The following PADI6 variants were observed in gnomAD, a reference collection of about 807,000 sequenced individuals.
PADI6 encodes peptidyl arginine deiminase 6.
A neutral mutation model predicts 78.2 loss-of-function variants in PADI6; 66 were observed. The observed-to-expected ratio is 0.84, with a 90% CI of 0.69 to 1.04. The LOEUF is 1.04. PADI6 is among the 50% of genes least tolerant of loss of function. The pLI is 0.00. For missense variants in PADI6, 854 were observed against 866.1 expected, an observed-to-expected ratio of 0.99 and a Z score of 0.18; for synonymous variants, 397 against 346.9, an observed-to-expected ratio of 1.14 and a Z score of -1.60.
chr1:17,376,687 T>G (rs529052816), intron 3 of PADI6, among the ~76,000 whole-genome samples: 3 of 151,814 alleles, frequency 2.0e-5, no homozygotes, highest in African/African-American at 7.3e-5. Flanking sequence ...CGTGAGCCAC[T>G]GTGCTGGGCC....
At chr1:17,396,783 C>T (rs185191867) in intron 13 of PADI6, among the ~76,000 whole-genome samples, 11 of 152,362 alleles carry the variant, frequency 7.2e-5, no homozygotes, top group African/African-American at 2.4e-4. Flanking sequence ...TCCTAACAAG[C>T]TCTAGGCTGT....
chr1:17,391,251 G>A (rs190863078), intron 8 of PADI6, among the ~76,000 whole-genome samples: 34 of 152,128 alleles, frequency 2.2e-4, no homozygotes, highest in South Asian at 1.0e-3. Flanking sequence ...ATGGAGTCTC[G>A]CTCCGTTGCC....
At position 17,392,078 on chromosome 1, in the gene PADI6, A is replaced by G. The variant is rs761679941; in HGVS notation, c.963-36A>G. The stretch of plus-strand genomic sequence containing the variant: ...GGTCATAACCAGTAAGGGACCTTCG[A>G]AAGCCTTCCCAGAACTGGCTTCTCT... On this transcript the variant is annotated intron_variant, in intron 8 of 15. Transcript: ENST00000619609. The G allele has an allele frequency of 2.5e-4, 385 of 1,537,674 alleles. 1 individual carries two copies. The highest frequency in any genetic ancestry group is 3.3e-4 in the Non-Finnish European group (369 of 1,134,486).
intron 15 of PADI6, 40 bp downstream of exon 15, chr1:17,398,887 G>A (rs1431971447): frequency 6.3e-7 from 1 of 1,598,938 alleles, no homozygotes; most frequent in East Asian, 2.2e-5. Flanking sequence ...GGGAGGGCCT[G>A]TCCAGGCAAC....
At chr1:17,380,399 G>T (rs1016863472) in intron 4 of PADI6, among the ~76,000 whole-genome samples, 2 of 148,392 alleles carry the variant, frequency 1.3e-5, no homozygotes. Flanking sequence ...ACGGAGTCTC[G>T]CTCTGTTGCC....
rs376709213 is a variant in PADI6 at position 17,394,940 on chromosome 1, C to A, written c.1338-11C>A. The A allele has an allele frequency of 1.2e-6, 2 of 1,600,868 alleles. No individual in the cohort carries two copies. The highest frequency in any genetic ancestry group is 1.7e-6 in the Non-Finnish European group (2 of 1,174,308). ...CTGGCTCAAGAGCTGTTCTTTCCAT[C>A]TTCCTTCTAGCGCAGAGGGCCGGGC... On this transcript the variant is annotated splice_polypyrimidine_tract_variant and intron_variant, in intron 11 of 15. Transcript: ENST00000619609.
At chr1:17,382,345 T>C (rs1206167657) in intron 6 of PADI6, among the ~76,000 whole-genome samples, 1 of 152,236 alleles carries the variant, frequency 6.6e-6, no homozygotes, top group Non-Finnish European at 1.5e-5. Flanking sequence ...TGGGGGTAGC[T>C]GTGCCTTCCC....
At position 17,384,142 on chromosome 1, in the gene PADI6, CA is replaced by C. The variant is rs564182068; in HGVS notation, c.679+2061del. ...TAGGTGACAGAGTGGGACTCTGTCT[CA>C]AAAAAAAAAACTTAAAAATCAGGGT... is the stretch of plus-strand genomic sequence containing the variant. On this transcript the variant is annotated intron_variant, in intron 6 of 15. Transcript: ENST00000619609. Among the ~76,000 whole-genome samples the C allele has an allele frequency of 6.2e-3, 886 of 142,260 alleles. 1 individual carries two copies. Among genetic ancestry groups the C allele is most frequent in the South Asian group, 0.016 (74 of 4,514 alleles). 93.3% of individuals were successfully genotyped at this position (142,260 alleles called of 152,430 possible). A position where few individuals can be genotyped will look rare whatever the true frequency, so the allele number is the denominator to read the frequency against.
chr1:17,372,474 C>A, intron 1 of PADI6, 113 bp downstream of exon 1: 1 of 997,146 alleles, frequency 1.0e-6, no homozygotes, highest in Non-Finnish European at 1.5e-6. Context: ...ACTATCCTGC[C>A]CCATCTTGGG....
At position 17,393,964 on chromosome 1, in the gene PADI6, C is replaced by T. The variant is rs746851853; in HGVS notation, c.1075-11C>T. The T allele has an allele frequency of 8.7e-6, 14 of 1,610,636 alleles. No homozygotes were observed. The highest frequency in any genetic ancestry group is 7.7e-5 in the South Asian group (7 of 91,018). ...TGACTGGCAAACAATCTGTCTTCCT[C>T]TCCATTCCAGGATGAGATGGCCTTC... On this transcript the variant is annotated splice_polypyrimidine_tract_variant and intron_variant, in intron 9 of 15. Coordinates refer to ENST00000619609, the MANE Select transcript of PADI6 (RefSeq NM_207421.4).
chr1:17,377,132 G>A (rs1440957089), intron 3 of PADI6, among the ~76,000 whole-genome samples: 2 of 151,806 alleles, frequency 1.3e-5, no homozygotes, highest in Non-Finnish European at 2.9e-5. Flanking sequence ...GCACCACCAT[G>A]CCCAGCTGAC....
chr1:17,394,094 G>A lies in PADI6; in HGVS notation c.1182+12G>A. On this transcript the variant is annotated intron_variant, in intron 10 of 15. Coordinates refer to ENST00000619609, the MANE Select transcript of PADI6 (RefSeq NM_207421.4). ...TGAAGTACTCACTGGTGTGGAACTT[G>A]GTTTGGCTAATCTGAGCTCAGTCCA... 1 of 1,610,346 alleles carries A rather than the reference G, an allele frequency of 6.2e-7. No individual in the cohort carries two copies. Among genetic ancestry groups the A allele is most frequent in the Non-Finnish European group, 8.5e-7 (1 of 1,176,600 alleles).
In PADI6 at chr1:17,401,120, G is replaced by A. The variant is rs545236835; in HGVS notation, c.1852-85G>A. On this transcript the variant is annotated intron_variant, in intron 15 of 15. Transcript: ENST00000619609. ...GGCGGCTGCCTGCCTGCTACGCCTG[G>A]TCTGACCGCAGAGAGGCAGGTGGGC... is the stretch of plus-strand genomic sequence containing the variant. The A allele has an allele frequency of 1.3e-4, 167 of 1,309,604 alleles. 1 individual carries two copies. Among genetic ancestry groups the A allele is most frequent in the Middle Eastern group, 1.2e-3 (6 of 4,944 alleles). The allele number at this position is 1,309,604 out of a possible 1,614,324, so 81.1% of individuals were successfully genotyped here. A position where few individuals can be genotyped will look rare whatever the true frequency, so the allele number is the denominator to read the frequency against.
chr1:17,381,022 G>A, intron 4 of PADI6, 25 bp from the exon 5 acceptor site: 7 of 1,556,452 alleles, frequency 4.5e-6, no homozygotes, highest in Non-Finnish European at 6.1e-6. Flanking sequence ...TCCTTCCTGA[G>A]CCAATGTTCC....
intron 8 of PADI6, among the ~76,000 whole-genome samples, chr1:17,390,369 G>T (rs2075169889): frequency 6.6e-6 from 1 of 151,480 alleles, no homozygotes; most frequent in Non-Finnish European, 1.5e-5. Context: ...GGAGGCTGAG[G>T]CGGGCGGATC....
In PADI6 at chr1:17,377,652, T is replaced by C. The variant is rs147644801; in HGVS notation, c.367+2153T>C. ...TTCTAGTGTAAACCTTGGCATCACC[T>C]GATTCTTCTTACCCCACAGCAGTCT... On this transcript the variant is annotated intron_variant, in intron 3 of 15. Transcript: ENST00000619609. 6.4e-4 allele frequency among the ~76,000 whole-genome samples: 97 copies of C among 152,344 alleles called. 1 individual carries two copies. Among genetic ancestry groups the C allele is most frequent in the African/African-American group, 2.2e-3 (90 of 41,568 alleles).
chr1:17,382,018 TC>T lies in PADI6; in HGVS notation c.606del (p.Leu203Ter). 1 of 1,613,920 alleles carries T rather than the reference TC, an allele frequency of 6.2e-7. No individual in the cohort carries two copies. Among genetic ancestry groups the T allele is most frequent in the Non-Finnish European group, 8.5e-7 (1 of 1,179,830 alleles). ...CTGAATGTCCAAGGCCCCAGCTGTA[TC>T]TTAAAGAAATATCGGCTAGTCCTCC... is the stretch of plus-strand genomic sequence containing the variant. ...MTLNVQGPSCILKKYRLVLHT... is the reference protein window; with the variant it reads ...MTLNVQGPSCXLKKYRLVLHT... On this transcript the variant is annotated frameshift_variant, in exon 6 of 16. Transcript: ENST00000619609. LOFTEE classifies it high-confidence loss of function.
Position 17,388,426 on chromosome 1 carries a change from A to G in PADI6, c.725A>G (p.His242Arg), listed in dbSNP as rs1433044597. 2.5e-6 allele frequency: 4 copies of G among 1,613,770 alleles called. No homozygotes were observed. Among genetic ancestry groups the G allele is most frequent in the East Asian group, 2.2e-5 (1 of 44,880 alleles). The change falls in exon 7 of 16, where the codon CAC (histidine) becomes CGC (arginine). Residue 242 changes from histidine (H) to arginine (R), a missense_variant. Physicochemically the swap from His to Arg is conservative, Grantham distance 29. Coordinates refer to ENST00000619609, the MANE Select transcript of PADI6 (RefSeq NM_207421.4). ...TFELVLGPDQ[H>R]AYTLALLGNH... Reference sequence around the variant, plus strand: ...GAGTTGGTGCTGGGGCCCGACCAGCACGCCTATACCTTGGCCCTCCTCGGG... The same window carrying G: ...GAGTTGGTGCTGGGGCCCGACCAGCGCGCCTATACCTTGGCCCTCCTCGGG...
At chr1:17,378,960 G>A (rs866430542) in intron 3 of PADI6, among the ~76,000 whole-genome samples, 10 of 143,816 alleles carry the variant, frequency 7.0e-5, no homozygotes, top group African/African-American at 1.8e-4. Context: ...TTTTTTGGGG[G>A]GGGGGACAGA....
Sources: allele counts gnomAD v4.1 joint callset (sites outside exome capture counted in the v4.1 genomes callset), GRCh38; gene constraint gnomAD v4.1.1; transcripts MANE v1.5; gene names NCBI Gene and HGNC (gene_info 2026-07-23, HGNC 2026-07-21).